The following AUTS2 variants were observed in gnomAD, a reference collection of about 807,000 sequenced individuals.
AUTS2 encodes autism susceptibility gene 2 protein.
Under a neutral mutation model 112.4 loss-of-function variants are expected in AUTS2, and 17 were observed. The ratio of observed to expected loss-of-function variants is 0.15; its 90% confidence interval spans 0.10 to 0.23. The LOEUF is 0.23. Ranked by LOEUF, AUTS2 falls within the 10% of genes least tolerant of loss-of-function variation. The probability of loss-of-function intolerance (pLI) is 1.00; values close to 1 mark genes in which losing one functional copy is unlikely to be tolerated. For synonymous variants in AUTS2, 751 were observed against 702.7 expected (o/e 1.07, Z -1.09); for missense variants, 1,510 against 1,701.6 (o/e 0.89, Z 1.98).
At chr7:70,049,631 A>G (rs1038165167) in intron 2 of AUTS2, among the ~76,000 whole-genome samples, 2 of 152,046 alleles carry the variant, frequency 1.3e-5, no homozygotes, top group African/African-American at 4.8e-5. Flanking sequence ...CTCTTGGAAA[A>G]GTCTTAACAA....
At chr7:70,454,332 C>T (rs556689590) in intron 5 of AUTS2, among the ~76,000 whole-genome samples, 109 of 152,092 alleles carry the variant, frequency 7.2e-4, no homozygotes, top group African/African-American at 2.5e-3. Flanking sequence ...GTCAGGAGTT[C>T]GAGACCAGCC....
At chr7:70,150,222 G>A (rs1339488670) in intron 4 of AUTS2, among the ~76,000 whole-genome samples, 1 of 152,046 alleles carries the variant, frequency 6.6e-6, no homozygotes, top group Non-Finnish European at 1.5e-5. Context: ...GTATATGTAA[G>A]CACTTACACT....
intron 5 of AUTS2, among the ~76,000 whole-genome samples, chr7:70,573,550 G>A (rs1257090721): frequency 2.0e-5 from 3 of 152,304 alleles, no homozygotes; most frequent in East Asian, 1.9e-4. Context: ...CAAAGCAGAC[G>A]CAACATTGTG....
At chr7:70,144,089 A>G (rs1807000044) in intron 4 of AUTS2, among the ~76,000 whole-genome samples, 1 of 151,808 alleles carries the variant, frequency 6.6e-6, no homozygotes, top group Non-Finnish European at 1.5e-5. Flanking sequence ...GCTGTGCCAT[A>G]TTTCTCTTAC....
intron 1 of AUTS2, among the ~76,000 whole-genome samples, chr7:69,895,505 C>A (rs1794703282): frequency 6.6e-6 from 1 of 151,972 alleles, no homozygotes; most frequent in Non-Finnish European, 1.5e-5. Flanking sequence ...TCTTAAGCCA[C>A]CACCTCTAGA....
intron 5 of AUTS2, among the ~76,000 whole-genome samples, chr7:70,496,759 C>T (rs1315470354): frequency 6.9e-6 from 1 of 143,902 alleles, no homozygotes; most frequent in African/African-American, 2.6e-5. Context: ...TCACACACCC[C>T]ACTCACACCA....
At chr7:70,685,288 C>T (rs1382787163) in intron 5 of AUTS2, among the ~76,000 whole-genome samples, 1 of 151,798 alleles carries the variant, frequency 6.6e-6, no homozygotes, top group African/African-American at 2.4e-5. Flanking sequence ...GCCTGGCCAA[C>T]ACGGTGAAAT....
At chr7:70,771,856 C>T (rs1000211129) in intron 11 of AUTS2, among the ~76,000 whole-genome samples, 2 of 152,124 alleles carry the variant, frequency 1.3e-5, no homozygotes, top group African/African-American at 4.8e-5. Flanking sequence ...AACTGTACTA[C>T]CCAGATAATC....
intron 3 of AUTS2, among the ~76,000 whole-genome samples, chr7:70,133,131 T>C (rs1274112684): frequency 6.6e-6 from 1 of 152,202 alleles, no homozygotes; most frequent in African/African-American, 2.4e-5. Flanking sequence ...ACATCTATGG[T>C]GCTTCATTCC....
intron 2 of AUTS2, among the ~76,000 whole-genome samples, chr7:70,074,962 T>TTTAAAGTACA (rs2129563569): frequency 6.6e-6 from 1 of 152,352 alleles, no homozygotes; most frequent in East Asian, 1.9e-4. Flanking sequence ...TTTCATGTAC[T>TTTAAAGTACA]TTAAGGTCAT....
chr7:69,989,581 G>A lies in AUTS2; in HGVS notation c.522+90083G>A, dbSNP rs147702321. Among the ~76,000 whole-genome samples the A allele has an allele frequency of 7.8e-3, 1,181 of 152,312 alleles. 13 individuals carry two copies. Among genetic ancestry groups the A allele is most frequent in the South Asian group, 0.019 (92 of 4,822 alleles). On this transcript the variant is annotated intron_variant, in intron 2 of 18. Coordinates refer to ENST00000342771, the MANE Select transcript of AUTS2 (RefSeq NM_015570.4). Reference sequence around the variant, plus strand: ...GCTACTCATTGAAGTTGTGAATGCAGCCAAGCTGATGGTTCCATAGATTGT... The same window carrying A: ...GCTACTCATTGAAGTTGTGAATGCAACCAAGCTGATGGTTCCATAGATTGT...
chr7:70,218,692 T>C lies in AUTS2; in HGVS notation c.660+84121T>C, dbSNP rs548889382. ...TTCACAAAGTGTGCGATAATGCTAA[T>C]GCTTCTTGTCAGCTGAAATTACAAC... On this transcript the variant is annotated intron_variant, in intron 4 of 18. Coordinates refer to ENST00000342771, the MANE Select transcript of AUTS2 (RefSeq NM_015570.4). Among the ~76,000 whole-genome samples, 118 of 152,350 alleles carry C rather than the reference T, an allele frequency of 7.7e-4. 1 individual carries two copies. The highest frequency in any genetic ancestry group is 2.2e-3 in the Admixed American group (33 of 15,304).
chr7:69,799,165 T>G (rs1185116015), intron 1 of AUTS2, among the ~76,000 whole-genome samples: 1 of 152,010 alleles, frequency 6.6e-6, no homozygotes, highest in African/African-American at 2.4e-5. Flanking sequence ...CAGAAAGTGG[T>G]GGAGTTAAGT....
intron 4 of AUTS2, among the ~76,000 whole-genome samples, chr7:70,320,372 A>C (rs1243720753): frequency 1.3e-5 from 2 of 152,226 alleles, no homozygotes; most frequent in Middle Eastern, 3.2e-3. Flanking sequence ...TTTGGGATAG[A>C]AGATTCTACA....
rs755306166 is a variant in AUTS2, at chr7:70,793,202, GC to G, written c.*2208del. Reference sequence around the variant, plus strand: ...TGGGCCACGTTAGCCAGTTGTTTGTGCCTGGCTACTTCAAAACTCAGCGAAA... The same window carrying G: ...TGGGCCACGTTAGCCAGTTGTTTGTGCTGGCTACTTCAAAACTCAGCGAAA... On this transcript the variant is annotated 3_prime_UTR_variant, in exon 19 of 19. Transcript: ENST00000342771. 2 of 152,032 alleles carry G rather than the reference GC, an allele frequency of 1.3e-5. No individual in the cohort carries two copies. The highest frequency in any genetic ancestry group is 2.9e-5 in the Non-Finnish European group (2 of 68,012). The allele number at this position is 152,032 out of a possible 1,614,324, so 9.4% of individuals were successfully genotyped here.
chr7:70,348,218 A>G (rs2129622069), intron 4 of AUTS2, among the ~76,000 whole-genome samples: 1 of 152,302 alleles, frequency 6.6e-6, no homozygotes, highest in South Asian at 2.1e-4. Context: ...GTTTTAATAT[A>G]AGGAAACTGA....
intron 5 of AUTS2, among the ~76,000 whole-genome samples, chr7:70,472,135 A>G (rs965830400): frequency 3.9e-5 from 6 of 152,150 alleles, no homozygotes; most frequent in South Asian, 2.1e-4. Flanking sequence ...ATAAAATTAC[A>G]TTGTCACTGT....
At chr7:70,168,296 G>C (rs144531658) in intron 4 of AUTS2, among the ~76,000 whole-genome samples, 1 of 152,092 alleles carries the variant, frequency 6.6e-6, no homozygotes, top group Non-Finnish European at 1.5e-5. Context: ...CTTTCCTCAC[G>C]GTGGTTTCTA....
intron 2 of AUTS2, among the ~76,000 whole-genome samples, chr7:70,061,510 A>T (rs1379878977): frequency 2.6e-5 from 4 of 152,202 alleles, no homozygotes; most frequent in African/African-American, 7.2e-5. Flanking sequence ...GACCACAATA[A>T]ATAAAGCAAA....
Sources: allele counts gnomAD v4.1 joint callset (sites outside exome capture counted in the v4.1 genomes callset), GRCh38; gene constraint gnomAD v4.1.1; transcripts MANE v1.5; gene names NCBI Gene and HGNC (gene_info 2026-07-23, HGNC 2026-07-21).